The following PCID2 variants were observed in gnomAD, a reference collection of about 807,000 sequenced individuals.
PCID2 encodes PCI domain-containing protein 2.
Under a neutral mutation model 61.3 loss-of-function variants are expected in PCID2, and 41 were observed. That is an observed-to-expected ratio of 0.67 (90% CI 0.52 to 0.87). PCID2 has a LOEUF of 0.87. PCID2 is among the 40% of genes least tolerant of loss of function. PCID2 has a pLI of 0.00. For missense variants in PCID2, 392 were observed against 493.4 expected (o/e 0.79, Z 1.95); for synonymous variants, 187 against 177.8 (o/e 1.05, Z -0.41).
intron 4 of PCID2, 125 bp from the exon 5 acceptor site, chr13:113,196,347 T>C (rs772421910): frequency 1.5e-6 from 1 of 670,344 alleles, no homozygotes; most frequent in African/African-American, 1.8e-5. Context: ...GTTGCAACAA[T>C]AGTAAGTTCT....
chr13:113,197,166 G>C lies in PCID2; in HGVS notation c.266+12C>G. ...TCTATGCGGGACAGCTGCCATGAAC[G>C]ACAAAGGATATTGGACTATCACGGT... On this transcript the variant is annotated intron_variant, in intron 4 of 13. Coordinates refer to ENST00000337344, the MANE Select transcript of PCID2 (RefSeq NM_001127202.4). 6.2e-7 allele frequency: 1 copy of C among 1,614,138 alleles called. No individual in the cohort carries two copies. The highest frequency in any genetic ancestry group is 8.5e-7 in the Non-Finnish European group (1 of 1,179,986).
intron 13 of PCID2, 123 bp from the exon 14 acceptor site, chr13:113,178,410 C>T (rs182564692): frequency 7.7e-6 from 5 of 646,266 alleles, no homozygotes; most frequent in East Asian, 2.9e-5. Flanking sequence ...TTCAGTTCAG[C>T]GGGAAGACAA....
At chr13:113,200,163 T>A (rs1302344039) in intron 2 of PCID2, among the ~76,000 whole-genome samples, 1 of 152,094 alleles carries the variant, frequency 6.6e-6, no homozygotes, top group Admixed American at 6.6e-5. Flanking sequence ...CTCCACCGCC[T>A]CTCCACCATC....
intron 9 of PCID2, among the ~76,000 whole-genome samples, chr13:113,183,068 T>C (rs558967152): frequency 1.3e-5 from 2 of 152,198 alleles, no homozygotes; most frequent in Admixed American, 6.5e-5. Context: ...GCTCTAGGAA[T>C]TCCTAGCAGT....
chr13:113,194,594 A>G (rs2038868747), intron 6 of PCID2, among the ~76,000 whole-genome samples: 1 of 152,228 alleles, frequency 6.6e-6, no homozygotes, highest in African/African-American at 2.4e-5. Flanking sequence ...CAAAAGGTTG[A>G]CAAATGCTGC....
chr13:113,197,022 AG>A (rs1260140385), intron 4 of PCID2, 155 bp downstream of exon 4: 1 of 1,611,450 alleles, frequency 6.2e-7, no homozygotes, highest in East Asian at 2.2e-5. Flanking sequence ...TAAGTACCCA[AG>A]TGAAAGAGCT....
the PCID2 span, among the ~76,000 whole-genome samples, chr13:113,168,983 C>A: frequency 7.2e-3 from 1,101 of 152,302 alleles, 18 homozygotes; most frequent in African/African-American, 0.025. Context: ...TCCACCTCAG[C>A]CTCCCAAAGT....
At chr13:113,182,111 G>C (rs1399833859) in intron 9 of PCID2, among the ~76,000 whole-genome samples, 1 of 152,196 alleles carries the variant, frequency 6.6e-6, no homozygotes, top group African/African-American at 2.4e-5. Flanking sequence ...AAATATAAGA[G>C]AACAGAGATG....
rs947011523 is a variant in PCID2 at position 113,179,525 on chromosome 13, A to G, written c.986+392T>C. Among the ~76,000 whole-genome samples, 6 of 152,160 alleles carry G rather than the reference A, an allele frequency of 3.9e-5. No homozygotes were observed. The highest frequency in any genetic ancestry group is 5.9e-5 in the Non-Finnish European group (4 of 68,024). ...GCCTCAGAAGACGTGTGAGGAAAGG[A>G]ATGACGATCTCTGCATCTGCCTTTG... On this transcript the variant is annotated intron_variant, in intron 12 of 13. Coordinates refer to ENST00000337344, the MANE Select transcript of PCID2 (RefSeq NM_001127202.4). The surrounding 1 kb of genome is among the most constrained non-coding windows in gnomAD (Gnocchi z 4.3).
chr13:113,178,284 G>C lies in PCID2; in HGVS notation c.1114C>G (p.His372Asp). The C allele has an allele frequency of 6.2e-7, 1 of 1,612,332 alleles. No homozygotes were observed. Among genetic ancestry groups the C allele is most frequent in the Non-Finnish European group, 8.5e-7 (1 of 1,178,602 alleles). Reference protein sequence around the residue: ...CILANLIYMGHVKGYISHQHQ... With the variant: ...CILANLIYMGDVKGYISHQHQ... ...TGATGCGATATGTAGCCTTTGACGT[G>C]TCCCTGCGGGGCAGAAAGGGAGGAA... The change falls in exon 14 of 14, where the codon CAC becomes GAC. Residue 372 changes from histidine to aspartate, a missense_variant. Physicochemically the swap from His to Asp is moderately conservative, Grantham distance 81. Transcript: ENST00000337344.
chr13:113,190,763 T>C (rs1397414221), intron 7 of PCID2, 109 bp downstream of exon 7: 4 of 543,232 alleles, frequency 7.4e-6, no homozygotes, highest in Non-Finnish European at 9.8e-6. Flanking sequence ...TTATAGCATG[T>C]GTAGAAATGA....
chr13:113,170,118 A>T, the PCID2 span, among the ~76,000 whole-genome samples: 2 of 152,110 alleles, frequency 1.3e-5, no homozygotes, highest in East Asian at 3.8e-4. Context: ...AGATTTTGTC[A>T]ATTTTTTGCT....
intron 9 of PCID2, among the ~76,000 whole-genome samples, chr13:113,182,754 C>T (rs1163469928): frequency 6.6e-6 from 1 of 152,156 alleles, no homozygotes; most frequent in Non-Finnish European, 1.5e-5. Context: ...TCCCAAAATG[C>T]TGGGATTACA....
intron 9 of PCID2, among the ~76,000 whole-genome samples, chr13:113,182,622 C>G (rs1015615625): frequency 6.6e-6 from 1 of 152,174 alleles, no homozygotes; most frequent in Non-Finnish European, 1.5e-5. Context: ...GCCTCAGCCT[C>G]CCGAGTAGCT....
downstream of PCID2, among the ~76,000 whole-genome samples, chr13:113,175,345 G>A (rs780903169): frequency 4.6e-5 from 7 of 152,128 alleles, no homozygotes; most frequent in Non-Finnish European, 8.8e-5. Flanking sequence ...CACTATGGAC[G>A]GTTCAATACG....
downstream of PCID2, among the ~76,000 whole-genome samples, chr13:113,176,631 C>T (rs2037195927): frequency 1.2e-5 from 1 of 86,052 alleles, no homozygotes; most frequent in South Asian, 4.4e-4. Context: ...GGTGTGGTGG[C>T]ATGCACCTGT....
the PCID2 span, among the ~76,000 whole-genome samples, chr13:113,170,019 C>A: frequency 2.0e-5 from 3 of 152,208 alleles, no homozygotes; most frequent in Non-Finnish European, 4.4e-5. Context: ...ACTGAGATGC[C>A]CCGTCCTGCT....
intron 6 of PCID2, among the ~76,000 whole-genome samples, chr13:113,194,799 T>G (rs6577030): frequency 0.017 from 2,607 of 152,256 alleles, 72 homozygotes; most frequent in African/African-American, 0.058. Flanking sequence ...TTCCACTCAC[T>G]TCATAAAAAT....
intron 5 of PCID2, 94 bp from the exon 6 acceptor site, chr13:113,195,219 T>C: frequency 1.3e-6 from 1 of 799,808 alleles, no homozygotes; most frequent in Middle Eastern, 2.3e-4. Flanking sequence ...AGGGCTACTA[T>C]CCAGAATGGA....
Sources: allele counts gnomAD v4.1 joint callset (sites outside exome capture counted in the v4.1 genomes callset), GRCh38; gene constraint gnomAD v4.1.1; non-coding constraint Gnocchi (gnomAD v3.1); transcripts MANE v1.5; gene names NCBI Gene and HGNC (gene_info 2026-07-23, HGNC 2026-07-21).